The following MEF2D variants were observed in gnomAD, a reference collection of about 807,000 sequenced individuals.
MEF2D encodes the protein myocyte-specific enhancer factor 2D.
In MEF2D, 10 loss-of-function variants were observed where a neutral mutation model predicts 59.3. That is an observed-to-expected ratio of 0.17 (90% CI 0.10 to 0.29). MEF2D has a LOEUF of 0.29. Ranked by LOEUF, MEF2D falls within the 10% of genes least tolerant of loss-of-function variation. The pLI is 1.00. For synonymous variants in MEF2D, 305 were observed against 295.0 expected, an observed-to-expected ratio of 1.03 and a Z score of -0.35; for missense variants, 508 against 699.4, an observed-to-expected ratio of 0.73 and a Z score of 3.09.
At chr1:156,499,520 G>A (rs538645844) in intron 1 of MEF2D, 1 of 152,262 alleles carries the variant, frequency 6.6e-6, no homozygotes, top group Non-Finnish European at 1.5e-5. Context: ...TGATTCACTA[G>A]GGGGAGGGGG....
At position 156,466,400 on chromosome 1, in the gene MEF2D, AGGT is replaced by A. The variant is rs1670847212; in HGVS notation, c.*1242_*1244del. On this transcript the variant is annotated 3_prime_UTR_variant, in exon 12 of 12. Transcript: ENST00000348159. ...AGAGGGAAGGTGGGATGCAGCCTGG[AGGT>A]GGTGGGACAAGGAGGTAGCCAGAGA... is the stretch of plus-strand genomic sequence containing the variant. 6.5e-6 allele frequency: 1 copy of A among 152,980 alleles called. No individual in the cohort carries two copies. Among genetic ancestry groups the A allele is most frequent in the African/African-American group, 2.4e-5 (1 of 41,392 alleles). The allele number at this position is 152,980 out of a possible 1,614,324, so 9.5% of individuals were successfully genotyped here.
intron 2 of MEF2D, 88 bp downstream of exon 2, chr1:156,483,151 A>G (rs1164908671): frequency 7.3e-7 from 1 of 1,378,962 alleles, no homozygotes; most frequent in African/African-American, 1.4e-5. Flanking sequence ...CCTCTTCCAC[A>G]AAGCCCTCTT....
chr1:156,480,636 T>C, intron 4 of MEF2D, 198 bp downstream of exon 4: 1 of 1,546,936 alleles, frequency 6.5e-7, no homozygotes, highest in Non-Finnish European at 8.7e-7. Flanking sequence ...TCCATGCGAC[T>C]ACTCACGGCC....
intron 1 of MEF2D, chr1:156,499,519 A>AGGGGGAGGG: frequency 6.6e-6 from 1 of 152,228 alleles, no homozygotes; most frequent in Middle Eastern, 3.4e-3. Context: ...GTGATTCACT[A>AGGGGGAGGG]GGGGGAGGGG....
In MEF2D at chr1:156,467,499, A is replaced by G. The variant is rs1670923766; in HGVS notation, c.*146T>C. On this transcript the variant is annotated 3_prime_UTR_variant, in exon 12 of 12. Coordinates refer to ENST00000348159, the MANE Select transcript of MEF2D (RefSeq NM_005920.4). ...TAATAATAATAATAATAATATAATA[A>G]TTATACACAAATGTAACCGTCAACA... 2.4e-6 allele frequency: 1 copy of G among 420,844 alleles called. No individual in the cohort carries two copies. The highest frequency in any genetic ancestry group is 4.2e-6 in the Non-Finnish European group (1 of 239,394). The allele number at this position is 420,844 out of a possible 1,614,324, so 26.1% of individuals were successfully genotyped here. A position where few individuals can be genotyped will look rare whatever the true frequency, so the allele number is the denominator to read the frequency against.
Position 156,466,328 on chromosome 1 carries a change from C to T in MEF2D, c.*1317G>A, listed in dbSNP as rs1024434833. The T allele has an allele frequency of 1.3e-5, 2 of 152,684 alleles. No individual in the cohort carries two copies. Among genetic ancestry groups the T allele is most frequent in the African/African-American group, 2.4e-5 (1 of 41,374 alleles). 9.5% of individuals were successfully genotyped at this position (152,684 alleles called of 1,614,324 possible). A position where few individuals can be genotyped will look rare whatever the true frequency, so the allele number is the denominator to read the frequency against. Reference sequence around the variant, plus strand: ...AAAAAAACAGTTTCCTGGACTGTTACACCGCTAACGTTTTCCAAAGGTCGC... The same window carrying T: ...AAAAAAACAGTTTCCTGGACTGTTATACCGCTAACGTTTTCCAAAGGTCGC... On this transcript the variant is annotated 3_prime_UTR_variant, in exon 12 of 12. Coordinates refer to ENST00000348159, the MANE Select transcript of MEF2D (RefSeq NM_005920.4).
At chr1:156,497,643 G>A (rs1003907964) in intron 1 of MEF2D, among the ~76,000 whole-genome samples, 1 of 152,208 alleles carries the variant, frequency 6.6e-6, no homozygotes, top group African/African-American at 2.4e-5. Context: ...AAGAAGCAGG[G>A]GGCCTGACTC....
intron 2 of MEF2D, 84 bp from the exon 3 acceptor site, chr1:156,482,724 G>C: frequency 7.7e-7 from 1 of 1,300,618 alleles, no homozygotes; most frequent in Middle Eastern, 2.0e-4. Flanking sequence ...GCTGGACATA[G>C]CCCCTGCCCT....
chr1:156,498,273 G>A (rs1384537614), intron 1 of MEF2D, among the ~76,000 whole-genome samples: 1 of 152,012 alleles, frequency 6.6e-6, no homozygotes, highest in African/African-American at 2.4e-5. Flanking sequence ...GGGTGGACAC[G>A]GACAGCACCT....
chr1:156,464,982 T>G lies in MEF2D; in HGVS notation c.*2663A>C, dbSNP rs1670753999. On this transcript the variant is annotated 3_prime_UTR_variant, in exon 12 of 12. Transcript: ENST00000348159. ...ACCTATCATTCAACTATTCACCCATTCAGCATTTATTGAGTGCCTACTATG... is the reference window on the plus strand; with the variant it reads ...ACCTATCATTCAACTATTCACCCATGCAGCATTTATTGAGTGCCTACTATG... 6.6e-6 allele frequency: 1 copy of G among 152,272 alleles called. No individual in the cohort carries two copies. The highest frequency in any genetic ancestry group is 2.1e-4 in the South Asian group (1 of 4,834). 9.4% of individuals were successfully genotyped at this position (152,272 alleles called of 1,614,324 possible).
At chr1:156,494,967 G>A (rs1673043781) in intron 1 of MEF2D, among the ~76,000 whole-genome samples, 1 of 152,174 alleles carries the variant, frequency 6.6e-6, no homozygotes, top group African/African-American at 2.4e-5. Context: ...CCTTGTGTCT[G>A]CCTTGAGACA....
Position 156,468,826 on chromosome 1 carries a change from G to A in MEF2D, c.1201C>T (p.Pro401Ser). ...GGGACCAGGTGGGACTGTTGCTGAG[G>A]TGGCTGTTGCGGCTGCTGAGGCTGC... ...PQQPQQPQQP[P>S]QQQSHLVPVS... The change falls in exon 10 of 12, where the codon CCT becomes TCT. Residue 401 changes from proline to serine, a missense_variant. This residue lies in a region of MEF2D where 481 missense variants were observed against 584.7 expected (regional missense o/e 0.82). Transcript: ENST00000348159. This position sits in a 1 kb window ranked among gnomAD's most constrained non-coding sequence, Gnocchi z 4.3. 1 of 1,614,188 alleles carries A rather than the reference G, an allele frequency of 6.2e-7. No homozygotes were observed. Among genetic ancestry groups the A allele is most frequent in the African/African-American group, 1.3e-5 (1 of 75,064 alleles).
chr1:156,497,242 A>C (rs1037372758), intron 1 of MEF2D, among the ~76,000 whole-genome samples: 7 of 152,264 alleles, frequency 4.6e-5, no homozygotes, highest in Non-Finnish European at 7.3e-5. Context: ...CTGGGACAGA[A>C]GGACAGACAG....
At chr1:156,477,311 G>A (rs1671681216) in intron 6 of MEF2D, 109 bp from the exon 7 acceptor site, 3 of 955,164 alleles carry the variant, frequency 3.1e-6, no homozygotes, top group Admixed American at 5.8e-5. Flanking sequence ...TCAAAGCCAT[G>A]CTTAGGCTTT....
intron 4 of MEF2D, chr1:156,480,597 C>T: frequency 6.6e-7 from 1 of 1,514,436 alleles, no homozygotes; most frequent in Non-Finnish European, 8.9e-7. Flanking sequence ...GGGCGCGAAG[C>T]CACACCATGC....
In MEF2D at chr1:156,490,819, C is replaced by G. The variant is rs187121289; in HGVS notation, c.-138-7389G>C. On this transcript the variant is annotated intron_variant, in intron 1 of 11. Coordinates refer to ENST00000348159, the MANE Select transcript of MEF2D (RefSeq NM_005920.4). ...CATCCTGTTCTCTGCCCAGGAGATG[C>G]CTCTCCAGTGAGGGTCTGTCTCCTG... 1.1e-3 allele frequency among the ~76,000 whole-genome samples: 166 copies of G among 152,316 alleles called. 2 individuals carry two copies. Among genetic ancestry groups the G allele is most frequent in the Admixed American group, 8.6e-3 (131 of 15,308 alleles).
At chr1:156,475,020 C>A in intron 9 of MEF2D, 88 bp downstream of exon 9, 1 of 1,588,226 alleles carries the variant, frequency 6.3e-7, no homozygotes, top group Admixed American at 1.7e-5. Flanking sequence ...CAGATGTGGC[C>A]TGTCCAGGGG....
At chr1:156,491,698 T>C (rs1346408461) in intron 1 of MEF2D, among the ~76,000 whole-genome samples, 2 of 152,222 alleles carry the variant, frequency 1.3e-5, no homozygotes, top group South Asian at 2.1e-4. Flanking sequence ...GTTTGGTCCC[T>C]GGTGGGACCA....
chr1:156,500,228 G>A (rs937349684), intron 1 of MEF2D, among the ~76,000 whole-genome samples: 6 of 150,870 alleles, frequency 4.0e-5, no homozygotes, highest in African/African-American at 1.5e-4. Flanking sequence ...TCCCCACCCC[G>A]TACTCCCAAC....
Sources: allele counts gnomAD v4.1 joint callset (sites outside exome capture counted in the v4.1 genomes callset), GRCh38; gene constraint gnomAD v4.1.1; regional missense constraint gnomAD v4.1.1; non-coding constraint Gnocchi (gnomAD v3.1); transcripts MANE v1.5; gene names NCBI Gene and HGNC (gene_info 2026-07-23, HGNC 2026-07-21).